RNF144A: variants seen among roughly 807,000 people sequenced by gnomAD.
RNF144A encodes ring finger protein 144A.
Under a neutral mutation model 38.7 loss-of-function variants are expected in RNF144A, and 11 were observed. That is an observed-to-expected ratio of 0.28 (90% confidence interval 0.18 to 0.47). The LOEUF (loss-of-function observed/expected upper bound fraction) is 0.47, where lower values mean the gene tolerates loss of function less well. Among genes scored for constraint, RNF144A ranks in the 20% least tolerant of loss-of-function variants. RNF144A has a pLI of 0.99. For synonymous variants in RNF144A, 149 were observed against 143.9 expected (o/e 1.04, Z -0.25); for missense variants, 316 against 377.2 (o/e 0.84, Z 1.34).
At position 6,991,525 on chromosome 2, in the gene RNF144A, A is replaced by G. The variant is rs147467630; in HGVS notation, c.-11-5391A>G. On this transcript the variant is annotated intron_variant, in intron 2 of 8. Transcript: ENST00000320892. Reference sequence around the variant, plus strand: ...TCCATCTCATTCAGCTGATGAGGATATACAGAGGAGGTGTAGCACAGTAAA... The same window carrying G: ...TCCATCTCATTCAGCTGATGAGGATGTACAGAGGAGGTGTAGCACAGTAAA... Among the ~76,000 whole-genome samples, 107 of 152,338 alleles carry G rather than the reference A, an allele frequency of 7.0e-4. 2 individuals carry two copies. The East Asian group carries it at 0.013, about 19-fold the overall frequency.
In RNF144A at chr2:7,024,546, G is replaced by A. The variant is rs1671751491; in HGVS notation, c.657+30G>A. On this transcript the variant is annotated intron_variant, in intron 7 of 8. Coordinates refer to ENST00000320892, the MANE Select transcript of RNF144A (RefSeq NM_014746.6). The stretch of plus-strand genomic sequence containing the variant: ...GTACGGCCTTCAGCTTCACCTTGCG[G>A]CATTTAGCTTTGAGGTTTAGATTTG... The A allele has an allele frequency of 2.5e-6, 4 of 1,581,272 alleles. No homozygotes were observed. The East Asian group carries it at 6.8e-5, about 27-fold the overall frequency.
At chr2:6,997,376 T>C (rs143193171) in intron 3 of RNF144A, among the ~76,000 whole-genome samples, 1 of 152,372 alleles carries the variant, frequency 6.6e-6, no homozygotes, top group Non-Finnish European at 1.5e-5. Flanking sequence ...TTCCACACCT[T>C]ATATCAAATG....
chr2:7,018,112 G>A (rs1403224699), intron 5 of RNF144A, among the ~76,000 whole-genome samples: 1 of 152,118 alleles, frequency 6.6e-6, no homozygotes, highest in South Asian at 2.1e-4. Flanking sequence ...TGAAGAGACC[G>A]AGACCCAGCT....
At chr2:6,988,910 A>G (rs1290754546) in intron 2 of RNF144A, among the ~76,000 whole-genome samples, 3 of 152,054 alleles carry the variant, frequency 2.0e-5, no homozygotes, top group East Asian at 1.9e-4. Context: ...GTGATAATTC[A>G]TGCTACTCTG....
At chr2:6,982,777 T>C (rs1367202060) in intron 2 of RNF144A, among the ~76,000 whole-genome samples, 1 of 152,196 alleles carries the variant, frequency 6.6e-6, no homozygotes, top group Non-Finnish European at 1.5e-5. Context: ...GACATTATTA[T>C]CACATTATTG....
At chr2:7,010,699 C>T (rs71436174) in intron 3 of RNF144A, among the ~76,000 whole-genome samples, 2 of 152,110 alleles carry the variant, frequency 1.3e-5, no homozygotes, top group African/African-American at 2.4e-5. Context: ...GCTTACCCCC[C>T]TTTCTTCCCT....
downstream of RNF144A, among the ~76,000 whole-genome samples, chr2:7,047,156 T>G (rs140233996): frequency 5.9e-5 from 9 of 152,352 alleles, no homozygotes; most frequent in African/African-American, 2.2e-4. Flanking sequence ...ATTGGACACA[T>G]AGTGGTGACT....
rs1669554133 is a variant in RNF144A at position 6,993,879 on chromosome 2, A to G, written c.-11-3037A>G. Among the ~76,000 whole-genome samples, 3 of 152,230 alleles carry G rather than the reference A, an allele frequency of 2.0e-5. No homozygotes were observed. In the East Asian group the frequency reaches 5.8e-4, roughly 29 times the overall value. Reference sequence around the variant, plus strand: ...AATGACTTCTACTTACCAAGCTCCTAGTATCTATATATTAGATATATTATT... The same window carrying G: ...AATGACTTCTACTTACCAAGCTCCTGGTATCTATATATTAGATATATTATT... On this transcript the variant is annotated intron_variant, in intron 2 of 8. Transcript: ENST00000320892.
chr2:6,970,575 T>C (rs1667946968), intron 2 of RNF144A, among the ~76,000 whole-genome samples: 1 of 152,192 alleles, frequency 6.6e-6, no homozygotes, highest in Non-Finnish European at 1.5e-5. Context: ...TCCAAAACAC[T>C]TCTGTCCCAA....
chr2:7,064,065 T>G (rs1483972487), intron 6 of RNF144A, among the ~76,000 whole-genome samples: 1 of 152,182 alleles, frequency 6.6e-6, no homozygotes, highest in Non-Finnish European at 1.5e-5. Flanking sequence ...ACTGGCTTTA[T>G]AAACAAACCA....
Position 7,014,788 on chromosome 2 carries a change from A to T in RNF144A, c.301+16A>T. On this transcript the variant is annotated intron_variant, in intron 5 of 8. Transcript: ENST00000320892. ...TTTGAAAGAGGTAGGTGCCTGGTAT[A>T]TCTGCCGGTTATGATTCCTGTAATG... is the stretch of plus-strand genomic sequence containing the variant. The T allele has an allele frequency of 6.3e-7, 1 of 1,581,228 alleles. No individual in the cohort carries two copies. Among genetic ancestry groups the T allele is most frequent in the South Asian group, 1.1e-5 (1 of 90,368 alleles).
intron 2 of RNF144A, among the ~76,000 whole-genome samples, chr2:6,951,601 G>C (rs982286971): frequency 6.6e-6 from 1 of 152,090 alleles, no homozygotes; most frequent in East Asian, 1.9e-4. Context: ...CATGAACATC[G>C]TATCACTATC....
At chr2:7,070,182 CT>C (rs1363743454), downstream of RNF144A, among the ~76,000 whole-genome samples, 5 of 150,542 alleles carry the variant, frequency 3.3e-5, no homozygotes, top group African/African-American at 1.2e-4. Context: ...ATTTTTTAAT[CT>C]TTTTGAGACA....
chr2:7,076,113 G>A, the RNF144A span, among the ~76,000 whole-genome samples: 1 of 152,166 alleles, frequency 6.6e-6, no homozygotes, highest in Non-Finnish European at 1.5e-5. Flanking sequence ...ACATGGAGCA[G>A]TTTCCTGGAT....
Position 7,042,079 on chromosome 2 carries a change from A to G in RNF144A, c.*2319A>G, listed in dbSNP as rs1673080269. ...CTGGCTCTGACTTTTTGTATGAAGC[A>G]TGCCTCAGTTTCCTCATTTTGATCT... On this transcript the variant is annotated 3_prime_UTR_variant, in exon 9 of 9. Coordinates refer to ENST00000320892, the MANE Select transcript of RNF144A (RefSeq NM_014746.6). 9.1e-6 allele frequency: 9 copies of G among 985,414 alleles called. No individual in the cohort carries two copies. The highest frequency in any genetic ancestry group is 4.8e-6 in the Non-Finnish European group (4 of 829,920). The allele number at this position is 985,414 out of a possible 1,614,324, so 61.0% of individuals were successfully genotyped here.
At chr2:7,071,049 C>T (rs1271241312), downstream of RNF144A, among the ~76,000 whole-genome samples, 1 of 151,758 alleles carries the variant, frequency 6.6e-6, no homozygotes, top group Non-Finnish European at 1.5e-5. Context: ...ATTCTCCTGC[C>T]TCAGCCTCCC....
At chr2:7,073,290 C>T in the RNF144A span, among the ~76,000 whole-genome samples, 8 of 152,276 alleles carry the variant, frequency 5.3e-5, no homozygotes, top group Admixed American at 2.0e-4. Flanking sequence ...GAAACCACTC[C>T]GCTTTGTACT....
At chr2:7,055,819 G>A (rs938093382) in intron 6 of RNF144A, among the ~76,000 whole-genome samples, 3 of 152,088 alleles carry the variant, frequency 2.0e-5, no homozygotes, top group Admixed American at 6.5e-5. Flanking sequence ...AAGCATCCAC[G>A]GAGCAAAACT....
At chr2:7,025,070 C>T (rs1473626833) in intron 7 of RNF144A, among the ~76,000 whole-genome samples, 4 of 152,130 alleles carry the variant, frequency 2.6e-5, no homozygotes, top group Non-Finnish European at 4.4e-5. Flanking sequence ...GGCGGGAAAA[C>T]GTGCAAGCCC....
Sources: allele counts gnomAD v4.1 joint callset (sites outside exome capture counted in the v4.1 genomes callset), GRCh38; gene constraint gnomAD v4.1.1; transcripts MANE v1.5; gene names NCBI Gene and HGNC (gene_info 2026-07-23, HGNC 2026-07-21).